Variants in USH2A observed in about 807,000 individuals in gnomAD.
USH2A encodes the protein Usher syndrome 2A (autosomal recessive, mild).
A neutral mutation model predicts 538.9 loss-of-function variants in USH2A; 443 were observed. That is an observed-to-expected ratio of 0.82 (90% CI 0.76 to 0.89). The LOEUF (loss-of-function observed/expected upper bound fraction) is 0.89. Among genes scored for constraint, USH2A ranks in the 40% least tolerant of loss-of-function variants. The pLI is 0.00. For synonymous variants in USH2A, 2,413 were observed against 2,273.5 expected (o/e 1.06, Z -1.75); for missense variants, 6,633 against 6,324.8 (o/e 1.05, Z -1.65).
intron 41 of USH2A, among the ~76,000 whole-genome samples, chr1:215,883,977 C>T (rs995782878): frequency 4.6e-5 from 7 of 152,046 alleles, no homozygotes; most frequent in Non-Finnish European, 2.9e-5. Context: ...CCTCATGTTC[C>T]AAACACCACA....
At chr1:216,144,820 G>A (rs17026175) in intron 21 of USH2A, among the ~76,000 whole-genome samples, 13,798 of 151,988 alleles carry the variant, frequency 0.091, 823 homozygotes, top group East Asian at 0.17. Context: ...TCCTCCTAGG[G>A]TCTGTCCCTA....
At chr1:215,980,293 G>C (rs1364295351) in intron 35 of USH2A, among the ~76,000 whole-genome samples, 1 of 152,134 alleles carries the variant, frequency 6.6e-6, no homozygotes, top group Admixed American at 6.6e-5. Context: ...AAAGCTTTTA[G>C]AGAGGTTTGG....
intron 50 of USH2A, among the ~76,000 whole-genome samples, chr1:215,791,231 A>G (rs74141417): frequency 0.029 from 4,354 of 152,292 alleles, 208 homozygotes; most frequent in African/African-American, 0.1. Context: ...TTTTTATATT[A>G]GAATTTATAT....
chr1:215,807,995 T>A (rs575384619), intron 49 of USH2A, among the ~76,000 whole-genome samples: 1 of 152,180 alleles, frequency 6.6e-6, no homozygotes, highest in African/African-American at 2.4e-5. Context: ...AGTTACTTAA[T>A]GAAGGTCAAA....
chr1:216,237,597 T>A (rs3767693), intron 13 of USH2A, among the ~76,000 whole-genome samples: 2 of 151,782 alleles, frequency 1.3e-5, no homozygotes, highest in Non-Finnish European at 2.9e-5. Context: ...GCTCTTCTAC[T>A]TAATTAGATT....
At chr1:215,709,645 T>TAAA (rs5780846) in intron 61 of USH2A, among the ~76,000 whole-genome samples, 3 of 127,014 alleles carry the variant, frequency 2.4e-5, no homozygotes, top group Non-Finnish European at 3.3e-5. Context: ...AGATAATTTG[T>TAAA]AAAAAAAAAA....
chr1:215,913,998 A>G (rs1317168940), intron 38 of USH2A, among the ~76,000 whole-genome samples: 1 of 151,926 alleles, frequency 6.6e-6, no homozygotes. Flanking sequence ...AAAGCTGAAT[A>G]ATGAAGGAAA....
rs1435476338 is a variant in USH2A, at chr1:215,790,277, A to G, written c.9964T>C (p.Phe3322Leu). The change falls in exon 51 of 72, where the codon TTC becomes CTC. Residue 3322 changes from phenylalanine (F) to leucine (L), a missense_variant. Transcript: ENST00000307340. ...GVVYNRLPGM[F>L]CCGQDYVNMS... ...TTCACATAATCCTGCCCACAACAGA[A>G]CATACCTGCAACAATAAAATGTTAT... 1.2e-6 allele frequency: 2 copies of G among 1,613,868 alleles called. No individual in the cohort carries two copies. The highest frequency in any genetic ancestry group is 1.7e-6 in the Non-Finnish European group (2 of 1,179,960).
chr1:215,640,844 C>CAAAAAAAAAAAAA (rs56212994), intron 67 of USH2A, 110 bp from the exon 68 acceptor site: 10 of 496,792 alleles, frequency 2.0e-5, no homozygotes, highest in African/African-American at 5.3e-5. Flanking sequence ...CCAATCCAAA[C>CAAAAAAAAAAAAA]AAAAAAAAAA....
intron 35 of USH2A, among the ~76,000 whole-genome samples, chr1:215,988,666 A>G (rs1016681318): frequency 2.2e-4 from 34 of 152,158 alleles, no homozygotes; most frequent in Non-Finnish European, 3.8e-4. Flanking sequence ...TTTCCAGAAC[A>G]TGTTGTTTTC....
intron 70 of USH2A, among the ~76,000 whole-genome samples, chr1:215,630,484 A>ATG (rs1420156571): frequency 2.6e-3 from 28 of 10,592 alleles, no homozygotes; most frequent in African/African-American, 5.6e-3. Context: ...GTGTGTGTGT[A>ATG]TATATATATA....
intron 3 of USH2A, among the ~76,000 whole-genome samples, chr1:216,417,482 T>C (rs562978170): frequency 1.3e-5 from 2 of 152,134 alleles, no homozygotes; most frequent in Admixed American, 1.3e-4. Context: ...CCAGCTTTGG[T>C]GGTGGGGCCT....
chr1:216,135,158 TC>T (rs2033457179), intron 21 of USH2A, among the ~76,000 whole-genome samples: 1 of 122,856 alleles, frequency 8.1e-6, no homozygotes, highest in Non-Finnish European at 1.7e-5. Context: ...TCTCTCTCTC[TC>T]TCTCTCTCAC....
At chr1:215,749,704 A>G (rs148750979) in intron 58 of USH2A, among the ~76,000 whole-genome samples, 119 of 152,356 alleles carry the variant, frequency 7.8e-4, no homozygotes, top group African/African-American at 2.8e-3. Flanking sequence ...TGTCAGAGCA[A>G]GAGGAGCAGT....
rs1361244057 is a variant in USH2A at position 216,402,048 on chromosome 1, T to C, written c.651+16466A>G. On this transcript the variant is annotated intron_variant, in intron 3 of 71. Coordinates refer to ENST00000307340, the MANE Select transcript of USH2A (RefSeq NM_206933.4). ...ATAGAAATAAAAAGATAACAGAAGA[T>C]TTATATGTGTATGCATCTGTGTTTG... Among the ~76,000 whole-genome samples the C allele has an allele frequency of 5.9e-5, 9 of 152,128 alleles. No homozygotes were observed. The East Asian group carries it at 1.7e-3, about 29-fold the overall frequency.
chr1:215,727,724 CAA>C (rs35895995), intron 61 of USH2A, among the ~76,000 whole-genome samples: 5 of 147,324 alleles, frequency 3.4e-5, no homozygotes, highest in Non-Finnish European at 7.5e-5. Flanking sequence ...GAGCCTGTCT[CAA>C]AAAAAAAATA....
chr1:215,883,855 A>G (rs1664982903), intron 41 of USH2A, among the ~76,000 whole-genome samples: 1 of 152,204 alleles, frequency 6.6e-6, no homozygotes, highest in African/African-American at 2.4e-5. Context: ...ACAATTTTCT[A>G]TAATATTTTC....
intron 21 of USH2A, among the ~76,000 whole-genome samples, chr1:216,138,928 G>A (rs1218594839): frequency 6.6e-6 from 1 of 151,220 alleles, no homozygotes; most frequent in Non-Finnish European, 1.5e-5. Flanking sequence ...ATGTGTGTGT[G>A]TGTGTGTGTG....
intron 21 of USH2A, among the ~76,000 whole-genome samples, chr1:216,135,658 CTT>C (rs2033471976): frequency 1.3e-5 from 2 of 152,068 alleles, no homozygotes; most frequent in South Asian, 4.1e-4. Flanking sequence ...ATGAACGACT[CTT>C]TTCCGCTGGG....
Sources: gnomAD v4.1 joint callset for allele counts (sites outside exome capture counted in the v4.1 genomes callset) on GRCh38, gnomAD v4.1.1 for gene constraint, MANE v1.5 for transcripts, NCBI Gene and HGNC (gene_info 2026-07-23, HGNC 2026-07-21) for gene names.